The following SLC24A2 variants were observed in gnomAD, a reference collection of about 807,000 sequenced individuals.
SLC24A2 encodes the protein sodium/potassium/calcium exchanger 2.
A neutral mutation model predicts 62.0 loss-of-function variants in SLC24A2; 36 were observed. The observed-to-expected ratio is 0.58, with a 90% CI of 0.44 to 0.77. SLC24A2 has a LOEUF of 0.77. SLC24A2 is among the 30% of genes least tolerant of loss of function. SLC24A2 has a pLI of 0.00. For missense variants in SLC24A2, 846 were observed against 817.9 expected (o/e 1.03, Z -0.42); for synonymous variants, 358 against 294.0 (o/e 1.22, Z -2.23).
At chr9:19,688,562 A>G (rs1335015137) in intron 2 of SLC24A2, among the ~76,000 whole-genome samples, 1 of 147,308 alleles carries the variant, frequency 6.8e-6, no homozygotes, top group Non-Finnish European at 1.5e-5. Flanking sequence ...ACAAAGAAAA[A>G]GAAAAAAGCT....
chr9:19,720,979 C>A lies in SLC24A2; in HGVS notation c.930+64958G>T, dbSNP rs150694571. 7.2e-5 allele frequency among the ~76,000 whole-genome samples: 11 copies of A among 152,012 alleles called. No individual in the cohort carries two copies. The East Asian group carries it at 9.7e-4, about 13-fold the overall frequency. On this transcript the variant is annotated intron_variant, in intron 2 of 10. Transcript: ENST00000341998. ...CATTCCCAAAGTATAGTGCTTGACA[C>A]AAGTGACTGTTTAGGTACCAGCAAT...
chr9:19,810,734 G>A, the SLC24A2 span, among the ~76,000 whole-genome samples: 1 of 151,962 alleles, frequency 6.6e-6, no homozygotes, highest in Admixed American at 6.5e-5. Flanking sequence ...AAAACAAAAT[G>A]GACAATGACA....
chr9:20,133,998 G>A, the SLC24A2 span, among the ~76,000 whole-genome samples: 1 of 152,162 alleles, frequency 6.6e-6, no homozygotes, highest in Non-Finnish European at 1.5e-5. Flanking sequence ...AGAAGGAGGT[G>A]TTAGTGAAAG....
At chr9:19,810,944 T>A in the SLC24A2 span, among the ~76,000 whole-genome samples, 3 of 152,026 alleles carry the variant, frequency 2.0e-5, no homozygotes, top group Non-Finnish European at 2.9e-5. Context: ...AACTGAAATG[T>A]TTGAAAATAA....
the SLC24A2 span, chr9:19,929,198 A>G: frequency 6.6e-6 from 1 of 152,242 alleles, no homozygotes; most frequent in Non-Finnish European, 1.5e-5. Context: ...GGTTAACTCC[A>G]AATTCCTCAG....
intron 2 of SLC24A2, among the ~76,000 whole-genome samples, chr9:19,739,220 G>A (rs1189394338): frequency 6.6e-6 from 1 of 152,080 alleles, no homozygotes; most frequent in African/African-American, 2.4e-5. Flanking sequence ...CTAAATCAAT[G>A]GAAATATACA....
the SLC24A2 span, among the ~76,000 whole-genome samples, chr9:20,255,205 G>C: frequency 6.6e-6 from 1 of 152,188 alleles, no homozygotes; most frequent in Non-Finnish European, 1.5e-5. Context: ...TTAGCTGAGA[G>C]ATGACAAATG....
chr9:19,740,892 A>T (rs2118764878), intron 2 of SLC24A2, among the ~76,000 whole-genome samples: 1 of 150,554 alleles, frequency 6.6e-6, no homozygotes, highest in Non-Finnish European at 1.5e-5. Flanking sequence ...AAAGAGAGAG[A>T]GAAAACTATT....
Position 19,786,836 on chromosome 9 carries a change from A to C in SLC24A2, c.31T>G (p.Ser11Ala). 6.2e-7 allele frequency: 1 copy of C among 1,612,226 alleles called. No individual in the cohort carries two copies. Among genetic ancestry groups the C allele is most frequent in the Non-Finnish European group, 8.5e-7 (1 of 1,179,846 alleles). The stretch of plus-strand genomic sequence containing the variant: ...TCATCCAAACACCATTTCTCTAGGG[A>C]AGTGATGGTGGTGCTTTGTTGCAGA... MDLQQSTTIT[S>A]LEKWCLDESL... Residue 11 changes from serine to alanine, a missense_variant, in exon 2 of 11, where the codon TCC (serine) becomes GCC (alanine). By Grantham distance (99) the Ser-to-Ala change is moderately conservative. Transcript: ENST00000341998. The surrounding 1 kb of genome is among the most constrained non-coding windows in gnomAD (Gnocchi z 5.0).
chr9:19,906,127 C>G, the SLC24A2 span, among the ~76,000 whole-genome samples: 1 of 152,198 alleles, frequency 6.6e-6, no homozygotes, highest in Admixed American at 6.5e-5. Context: ...AACAAACTGC[C>G]TCTCAGACCA....
chr9:20,031,729 C>T, the SLC24A2 span, among the ~76,000 whole-genome samples: 1 of 152,148 alleles, frequency 6.6e-6, no homozygotes, highest in Non-Finnish European at 1.5e-5. Flanking sequence ...AGGGATAGAA[C>T]TCCAGGCTGC....
the SLC24A2 span, among the ~76,000 whole-genome samples, chr9:20,231,982 A>G: frequency 6.6e-6 from 1 of 152,124 alleles, no homozygotes; most frequent in South Asian, 2.1e-4. Flanking sequence ...TTCTGCATCT[A>G]TTGAGATAAT....
intron 2 of SLC24A2, among the ~76,000 whole-genome samples, chr9:19,652,589 A>C (rs941046815): frequency 1.3e-5 from 2 of 151,976 alleles, no homozygotes; most frequent in African/African-American, 4.8e-5. Context: ...GAGACAAATA[A>C]ATTCTCCTCT....
At chr9:19,730,528 AG>A (rs1196231635) in intron 2 of SLC24A2, among the ~76,000 whole-genome samples, 4 of 152,174 alleles carry the variant, frequency 2.6e-5, no homozygotes, top group African/African-American at 9.6e-5. Flanking sequence ...TAAGAATGCT[AG>A]GCCATTATTT....
chr9:19,675,884 T>C (rs1819546943), intron 2 of SLC24A2, among the ~76,000 whole-genome samples: 1 of 152,192 alleles, frequency 6.6e-6, no homozygotes, highest in South Asian at 2.1e-4. Context: ...GGAAACTTCA[T>C]GTTTGGTCAA....
chr9:20,171,811 C>T, the SLC24A2 span, among the ~76,000 whole-genome samples: 1 of 151,954 alleles, frequency 6.6e-6, no homozygotes, highest in Admixed American at 6.6e-5. Context: ...GTCATCAAGA[C>T]AGAAAGTCAA....
the SLC24A2 span, among the ~76,000 whole-genome samples, chr9:19,830,198 T>A: frequency 6.6e-6 from 1 of 152,180 alleles, no homozygotes; most frequent in Non-Finnish European, 1.5e-5. Context: ...TCTGAGATAC[T>A]GGGTTTTATG....
At chr9:19,994,762 A>G in the SLC24A2 span, among the ~76,000 whole-genome samples, 1 of 152,080 alleles carries the variant, frequency 6.6e-6, no homozygotes, top group African/African-American at 2.4e-5. Context: ...GTCCTCAACA[A>G]CTCTCTACAG....
the SLC24A2 span, among the ~76,000 whole-genome samples, chr9:20,273,228 C>T: frequency 3.3e-5 from 5 of 152,180 alleles, no homozygotes; most frequent in Non-Finnish European, 7.3e-5. Context: ...AGACACTGCC[C>T]CACCTTTTTG....
Sources: gnomAD v4.1 joint callset for allele counts (sites outside exome capture counted in the v4.1 genomes callset) on GRCh38, gnomAD v4.1.1 for gene constraint, Gnocchi (gnomAD v3.1) non-coding constraint, MANE v1.5 for transcripts, NCBI Gene and HGNC (gene_info 2026-07-23, HGNC 2026-07-21) for gene names.